Variants in ARMC1 observed in about 807,000 individuals in gnomAD.
ARMC1 encodes armadillo repeat-containing protein 1.
In ARMC1, 16 loss-of-function variants were observed where a neutral mutation model predicts 31.4. The ratio of observed to expected loss-of-function variants is 0.51; its 90% CI spans 0.34 to 0.77. The LOEUF is 0.77. Among genes scored for constraint, ARMC1 ranks in the 30% least tolerant of loss-of-function variants. The pLI is 0.01. For synonymous variants in ARMC1, 114 were observed against 118.9 expected (o/e 0.96, Z 0.27); for missense variants, 259 against 347.5 (o/e 0.75, Z 2.02).
intron 4 of ARMC1, among the ~76,000 whole-genome samples, chr8:65,606,571 A>T (rs1294221317): frequency 6.6e-6 from 1 of 152,132 alleles, no homozygotes; most frequent in Non-Finnish European, 1.5e-5. Flanking sequence ...CAAGGGTTAG[A>T]CATACCCTCT....
chr8:65,605,383 C>T, intron 5 of ARMC1, 39 bp downstream of exon 5: 2 of 1,612,792 alleles, frequency 1.2e-6, no homozygotes, highest in Admixed American at 1.7e-5. Context: ...ATTTGTTTAC[C>T]TGTAATCTCA....
chr8:65,627,798 T>C (rs1266610779), intron 1 of ARMC1, among the ~76,000 whole-genome samples: 1 of 152,256 alleles, frequency 6.6e-6, no homozygotes, highest in Non-Finnish European at 1.5e-5. Flanking sequence ...AGACTATTTC[T>C]AGCCCTAAAA....
chr8:65,626,921 C>T (rs7006180), intron 2 of ARMC1, among the ~76,000 whole-genome samples: 9,181 of 151,436 alleles, frequency 0.061, 968 homozygotes, highest in African/African-American at 0.21. Context: ...AGGCTGAGGT[C>T]GGGGGGATGG....
Position 65,603,385 on chromosome 8 carries a change from A to C in ARMC1, c.*1009T>G, listed in dbSNP as rs1807935043. On this transcript the variant is annotated 3_prime_UTR_variant, in exon 7 of 7. Transcript: ENST00000276569. The stretch of plus-strand genomic sequence containing the variant: ...AGCATTTTCATAATAAATTCACAAA[A>C]GACAATACAAAGAAACACCTACTGA... 6.6e-6 allele frequency: 1 copy of C among 152,210 alleles called. No homozygotes were observed. Among genetic ancestry groups the C allele is most frequent in the Non-Finnish European group, 1.5e-5 (1 of 68,026 alleles). The allele number at this position is 152,210 out of a possible 1,614,324, so 9.4% of individuals were successfully genotyped here.
At chr8:65,629,748 G>A (rs969023482) in intron 1 of ARMC1, among the ~76,000 whole-genome samples, 6 of 147,034 alleles carry the variant, frequency 4.1e-5, no homozygotes, top group Non-Finnish European at 8.9e-5. Flanking sequence ...ACAGTGAGCC[G>A]AGATTGTACC....
chr8:65,617,919 C>CA (rs1554541367), intron 3 of ARMC1, among the ~76,000 whole-genome samples: 4 of 73,884 alleles, frequency 5.4e-5, no homozygotes, highest in East Asian at 3.2e-4. Context: ...CTTTTTTCGG[C>CA]GGGGGGGGAG....
At chr8:65,629,974 A>G (rs1324733020) in intron 1 of ARMC1, among the ~76,000 whole-genome samples, 2 of 151,584 alleles carry the variant, frequency 1.3e-5, no homozygotes, top group African/African-American at 4.8e-5. Flanking sequence ...GTGAAACGTC[A>G]TCTCTACTAA....
chr8:65,621,889 A>T (rs929068050), intron 3 of ARMC1, among the ~76,000 whole-genome samples: 6 of 152,102 alleles, frequency 3.9e-5, no homozygotes, highest in African/African-American at 1.4e-4. Context: ...ATTTTCCTAC[A>T]GTAATAAATT....
At chr8:65,632,265 C>A (rs920948170) in intron 1 of ARMC1, among the ~76,000 whole-genome samples, 1 of 151,428 alleles carries the variant, frequency 6.6e-6, no homozygotes, top group Non-Finnish European at 1.5e-5. Flanking sequence ...ATGGCAAAAC[C>A]CCATCTCTAC....
chr8:65,605,437 T>A lies in ARMC1; in HGVS notation c.567A>T (p.Ser189=). Residue 189 remains serine, a synonymous_variant, in exon 5 of 7, where the codon TCA becomes TCT. Transcript: ENST00000276569. ...AVQRCVVRIR[S]DLKAEALASA... is the part of the protein sequence containing the mutation. ...AAATACTTACCTCAGCTTTCAAATC[T>A]GAACGGATTCGCACCACACACCTTT... 1 of 1,614,086 alleles carries A rather than the reference T, an allele frequency of 6.2e-7. No homozygotes were observed. The highest frequency in any genetic ancestry group is 8.5e-7 in the Non-Finnish European group (1 of 1,179,934).
chr8:65,613,327 G>A lies in ARMC1; in HGVS notation c.382C>T (p.Arg128Ter), dbSNP rs560788154. Residue 128 changes from arginine (R) to a stop codon, truncating the protein, a stop_gained, in exon 4 of 7, where the codon CGA (arginine) becomes TGA (stop). Transcript: ENST00000276569. LOFTEE classifies it high-confidence loss of function. ...GDSFNEMNSR[R>*]RKAQFFLGTT... is the part of the protein sequence containing the mutation. ...CCCAGAAAAAATTGAGCTTTCCTTC[G>A]ACGTGAATTCATCTCATTAAAACTA... 10 of 1,612,254 alleles carry A rather than the reference G, an allele frequency of 6.2e-6. No individual in the cohort carries two copies. The highest frequency in any genetic ancestry group is 2.2e-5 in the East Asian group (1 of 44,764).
chr8:65,610,254 C>A (rs534944360), intron 4 of ARMC1, among the ~76,000 whole-genome samples: 1 of 151,960 alleles, frequency 6.6e-6, no homozygotes, highest in African/African-American at 2.4e-5. Context: ...TGCACCACCA[C>A]ACCCTGCTTA....
chr8:65,627,473 G>C, intron 1 of ARMC1, 40 bp from the exon 2 acceptor site: 4 of 1,233,022 alleles, frequency 3.2e-6, no homozygotes, highest in Non-Finnish European at 4.4e-6. Flanking sequence ...AGGCTGCTGA[G>C]GTATATTATA....
chr8:65,621,146 A>G (rs536361932), intron 3 of ARMC1, among the ~76,000 whole-genome samples: 21 of 152,126 alleles, frequency 1.4e-4, no homozygotes, highest in Non-Finnish European at 2.9e-4. Flanking sequence ...TATTTTCTCA[A>G]TTACTCCAAG....
At chr8:65,617,370 T>C (rs983007530) in intron 3 of ARMC1, among the ~76,000 whole-genome samples, 1 of 152,214 alleles carries the variant, frequency 6.6e-6, no homozygotes, top group African/African-American at 2.4e-5. Context: ...CAGGGTTAAA[T>C]GGATTAAGGG....
intron 1 of ARMC1, among the ~76,000 whole-genome samples, chr8:65,631,875 C>A (rs1808651781): frequency 9.3e-6 from 1 of 107,708 alleles, no homozygotes; most frequent in Non-Finnish European, 1.9e-5. Context: ...TAGCAAGACC[C>A]TGTCTCTTAA....
At position 65,613,195 on chromosome 8, in the gene ARMC1, GAA is replaced by G. The variant is rs1279234757; in HGVS notation, c.465+47_465+48del. 3 of 1,413,442 alleles carry G rather than the reference GAA, an allele frequency of 2.1e-6. No individual in the cohort carries two copies. The South Asian group carries it at 4.3e-5, about 20-fold the overall frequency. The allele number at this position is 1,413,442 out of a possible 1,614,324, so 87.6% of individuals were successfully genotyped here. On this transcript the variant is annotated intron_variant, in intron 4 of 6. Coordinates refer to ENST00000276569, the MANE Select transcript of ARMC1 (RefSeq NM_018120.6). Reference sequence around the variant, plus strand: ...AAGACTGTTAGCAAGTGGCACTGAAGAAACTATTCAGTAAACATGATTTCTCT... The same window carrying G: ...AAGACTGTTAGCAAGTGGCACTGAAGACTATTCAGTAAACATGATTTCTCT...
intron 3 of ARMC1, among the ~76,000 whole-genome samples, chr8:65,618,726 C>G (rs2129042713): frequency 6.6e-6 from 1 of 151,876 alleles, no homozygotes; most frequent in East Asian, 1.9e-4. Flanking sequence ...GAAACCATCC[C>G]AATGTTTGGA....
intron 3 of ARMC1, among the ~76,000 whole-genome samples, chr8:65,614,033 T>C (rs1392351675): frequency 6.6e-6 from 1 of 151,766 alleles, no homozygotes; most frequent in Non-Finnish European, 1.5e-5. Context: ...GGTTGTAACA[T>C]GTTCCTGTAT....
Sources: gnomAD v4.1 joint callset for allele counts (sites outside exome capture counted in the v4.1 genomes callset) on GRCh38, gnomAD v4.1.1 for gene constraint, MANE v1.5 for transcripts, NCBI Gene and HGNC (gene_info 2026-07-23, HGNC 2026-07-21) for gene names.